RBM46: variants seen among roughly 807,000 people sequenced by gnomAD.
RBM46 encodes probable RNA-binding protein 46.
In RBM46, 12 loss-of-function variants were observed where a neutral mutation model predicts 43.3. The observed-to-expected ratio is 0.28, with a 90% CI of 0.18 to 0.45. RBM46 has a LOEUF of 0.45. Ranked by LOEUF, RBM46 falls within the 20% of genes least tolerant of loss-of-function variation. RBM46 has a pLI of 1.00. For synonymous variants in RBM46, 205 were observed against 207.6 expected (o/e 0.99, Z 0.11); for missense variants, 412 against 639.1 (o/e 0.64, Z 3.83).
At chr4:154,784,683 A>G (rs156552) in intron 1 of RBM46, among the ~76,000 whole-genome samples, 4,200 of 152,248 alleles carry the variant, frequency 0.028, 202 homozygotes, top group African/African-American at 0.096. Context: ...CTGCAAAACC[A>G]TTTTTGACAT....
chr4:154,817,938 C>T (rs1221939787), intron 4 of RBM46, among the ~76,000 whole-genome samples: 1 of 151,982 alleles, frequency 6.6e-6, no homozygotes, highest in African/African-American at 2.4e-5. Flanking sequence ...ACATGCATTC[C>T]TAACTTACTG....
At chr4:154,822,384 C>A (rs1008165094) in intron 4 of RBM46, among the ~76,000 whole-genome samples, 5 of 151,480 alleles carry the variant, frequency 3.3e-5, no homozygotes, top group African/African-American at 1.2e-4. Flanking sequence ...AAAGAAATTT[C>A]ATTTCTTTAT....
chr4:154,801,495 G>A (rs559560856), intron 4 of RBM46, among the ~76,000 whole-genome samples: 4 of 152,266 alleles, frequency 2.6e-5, no homozygotes, highest in Middle Eastern at 6.8e-3. Context: ...TAGGTAGACA[G>A]CAAATAATTC....
chr4:154,795,458 G>T lies in RBM46; in HGVS notation c.-11-1284G>T, dbSNP rs143359113. Reference sequence around the variant, plus strand: ...TGGATTTTTTCTTTTGCCTTCTAAAGTATTTTTATGTAGTAAAAAAATCTA... The same window carrying T: ...TGGATTTTTTCTTTTGCCTTCTAAATTATTTTTATGTAGTAAAAAAATCTA... On this transcript the variant is annotated intron_variant, in intron 1 of 4. Coordinates refer to ENST00000281722, the MANE Select transcript of RBM46 (RefSeq NM_144979.5). 3.4e-3 allele frequency among the ~76,000 whole-genome samples: 522 copies of T among 152,126 alleles called. 5 individuals carry two copies. The highest frequency in any genetic ancestry group is 0.015 in the South Asian group (70 of 4,824).
chr4:154,824,861 G>A (rs1034884207), intron 4 of RBM46, among the ~76,000 whole-genome samples: 1 of 152,068 alleles, frequency 6.6e-6, no homozygotes, highest in Non-Finnish European at 1.5e-5. Context: ...GAAATCAGAA[G>A]GTGGCTGCCT....
intron 1 of RBM46, among the ~76,000 whole-genome samples, chr4:154,794,279 C>T (rs1387879018): frequency 6.7e-5 from 10 of 148,312 alleles, no homozygotes; most frequent in Non-Finnish European, 1.5e-4. Context: ...CTCCCGGGTT[C>T]TTGCCTTTCT....
intron 1 of RBM46, among the ~76,000 whole-genome samples, chr4:154,790,731 C>G (rs898639278): frequency 2.0e-4 from 30 of 152,088 alleles, no homozygotes; most frequent in African/African-American, 6.5e-4. Context: ...ACAGATAGCT[C>G]TTAAGTTTGC....
chr4:154,816,522 A>G (rs966580210), intron 4 of RBM46, among the ~76,000 whole-genome samples: 2 of 152,104 alleles, frequency 1.3e-5, no homozygotes, highest in East Asian at 3.8e-4. Flanking sequence ...TTCAGTTTCT[A>G]ATTGTTCCTG....
intron 1 of RBM46, among the ~76,000 whole-genome samples, chr4:154,791,137 A>G (rs892388212): frequency 1.6e-4 from 24 of 152,336 alleles, no homozygotes; most frequent in African/African-American, 5.0e-4. Flanking sequence ...TAGGCTAAGG[A>G]CAATTAGGGT....
intron 2 of RBM46, 55 bp downstream of exon 2, chr4:154,796,958 T>G: frequency 2.8e-6 from 4 of 1,438,304 alleles, no homozygotes; most frequent in Non-Finnish European, 3.8e-6. Flanking sequence ...TCATGTAGAT[T>G]AGATGTGTAT....
At chr4:154,803,541 A>C (rs779142074) in intron 4 of RBM46, among the ~76,000 whole-genome samples, 1 of 151,712 alleles carries the variant, frequency 6.6e-6, no homozygotes, top group Non-Finnish European at 1.5e-5. Context: ...TCTCTACTAA[A>C]AATACAAAAA....
rs1736078581 is a variant in RBM46 at position 154,828,744 on chromosome 4, A to T, written c.*677A>T. On this transcript the variant is annotated 3_prime_UTR_variant, in exon 5 of 5. Transcript: ENST00000281722. ...TAATAACAAGTGTTATGGGTTTTTA[A>T]TGTTGAAATCATGTGTTAATTTTTG... The T allele has an allele frequency of 6.6e-6, 1 of 152,550 alleles. No individual in the cohort carries two copies. Among genetic ancestry groups the T allele is most frequent in the African/African-American group, 2.4e-5 (1 of 41,414 alleles). 9.4% of individuals were successfully genotyped at this position (152,550 alleles called of 1,614,324 possible). A position where few individuals can be genotyped will look rare whatever the true frequency, so the allele number is the denominator to read the frequency against.
chr4:154,812,567 T>C (rs1735232495), intron 4 of RBM46, among the ~76,000 whole-genome samples: 1 of 152,206 alleles, frequency 6.6e-6, no homozygotes, highest in African/African-American at 2.4e-5. Flanking sequence ...TGGTCCCCTG[T>C]TACTTGGTAC....
In RBM46 at chr4:154,799,443, G is replaced by A. The variant is rs1434317669; in HGVS notation, c.1281G>A (p.Val427=). The A allele has an allele frequency of 6.2e-7, 1 of 1,613,934 alleles. No homozygotes were observed. The highest frequency in any genetic ancestry group is 8.5e-7 in the Non-Finnish European group (1 of 1,179,912). ...TTSQDGKVLL[V]YKIVIPAIAN... ...GTCAAGATGGGAAAGTACTCTTGGT[G>A]TATAAGATAGTTATTCCTGCTATTG... The change falls in exon 4 of 5, where the codon GTG becomes GTA. Residue 427 remains valine, a synonymous_variant. Transcript: ENST00000281722.
chr4:154,811,834 C>T (rs1423621516), intron 4 of RBM46, among the ~76,000 whole-genome samples: 2 of 151,974 alleles, frequency 1.3e-5, no homozygotes, highest in South Asian at 2.1e-4. Context: ...GCATGTACTA[C>T]AATGCCTGGC....
At chr4:154,821,662 TG>T (rs1735728844) in intron 4 of RBM46, among the ~76,000 whole-genome samples, 1 of 151,894 alleles carries the variant, frequency 6.6e-6, no homozygotes, top group Admixed American at 6.6e-5. Flanking sequence ...GTGTTCTTTT[TG>T]TTTGTGTGTT....
intron 4 of RBM46, among the ~76,000 whole-genome samples, chr4:154,818,777 T>G (rs189330988): frequency 1.3e-5 from 2 of 152,178 alleles, no homozygotes; most frequent in Non-Finnish European, 2.9e-5. Context: ...CATCCTTTTG[T>G]ATGTCAGTCT....
Position 154,803,702 on chromosome 4 carries a change from CAAAAAAAAAAAAAAAA to C in RBM46, c.1402+4151_1402+4166del, listed in dbSNP as rs35506499. Among the ~76,000 whole-genome samples, 5 of 41,318 alleles carry C rather than the reference CAAAAAAAAAAAAAAAA, an allele frequency of 1.2e-4. No individual in the cohort carries two copies. The South Asian group carries it at 4.4e-3, about 37-fold the overall frequency. 27.1% of individuals were successfully genotyped at this position (41,318 alleles called of 152,430 possible). ...TGGGCAACAGAGCCAGACTACGTCT[CAAAAAAAAAAAAAAAA>C]AAAAAAAAAAAAGGAAATTATGTAT... On this transcript the variant is annotated intron_variant, in intron 4 of 4. Transcript: ENST00000281722.
chr4:154,808,823 A>G (rs79840042), intron 4 of RBM46, among the ~76,000 whole-genome samples: 1 of 152,176 alleles, frequency 6.6e-6, no homozygotes, highest in East Asian at 1.9e-4. Context: ...GAGAATAAGA[A>G]TCCCTTAAGG....
Sources: allele counts gnomAD v4.1 joint callset (sites outside exome capture counted in the v4.1 genomes callset), GRCh38; gene constraint gnomAD v4.1.1; transcripts MANE v1.5; gene names NCBI Gene and HGNC (gene_info 2026-07-23, HGNC 2026-07-21).